CELSR1: variants seen among roughly 807,000 people sequenced by gnomAD.
The protein encoded by CELSR1 is adhesion G protein-coupled receptor C1.
Under a neutral mutation model 249.1 loss-of-function variants are expected in CELSR1, and 110 were observed. That is an observed-to-expected ratio of 0.44 (90% CI 0.38 to 0.52). CELSR1 has a LOEUF of 0.52. Among genes scored for constraint, CELSR1 ranks in the 20% least tolerant of loss-of-function variants. The pLI is 0.00. For missense variants in CELSR1, 4,109 were observed against 4,296.4 expected (o/e 0.96, Z 1.22); for synonymous variants, 2,113 against 1,900.0 (o/e 1.11, Z -2.92).
chr22:46,382,009 G>A lies in CELSR1; in HGVS notation c.6925C>T (p.Gln2309Ter). 1 of 1,560,458 alleles carries A rather than the reference G, an allele frequency of 6.4e-7. No homozygotes were observed. Among genetic ancestry groups the A allele is most frequent in the Non-Finnish European group, 8.7e-7 (1 of 1,154,240 alleles). The change falls in exon 21 of 35, where the codon CAG (glutamine) becomes TAG (stop). Residue 2309 changes from glutamine (Q) to a stop codon, truncating the protein, a stop_gained. Coordinates refer to ENST00000674500, the MANE Select transcript of CELSR1 (RefSeq NM_001378328.1). LOFTEE classifies it high-confidence loss of function. ...LRPAGRRTTP[Q>*]TTRPGPGTER... ...GTGCCAGGCCCCGGGCGCGTGGTCTGCGGGGTGGTCCTCCGGCCAGCCGGC... is the reference window on the plus strand; with the variant it reads ...GTGCCAGGCCCCGGGCGCGTGGTCTACGGGGTGGTCCTCCGGCCAGCCGGC...
chr22:46,371,568 G>A (rs1041814927), intron 25 of CELSR1, among the ~76,000 whole-genome samples: 6 of 150,832 alleles, frequency 4.0e-5, no homozygotes, highest in Non-Finnish European at 5.9e-5. Context: ...TCCACCCACT[G>A]CACCCACCCA....
Position 46,468,556 on chromosome 22 carries a change from C to G in CELSR1, c.3545-4211G>C, listed in dbSNP as rs1019054127. Reference sequence around the variant, plus strand: ...CTTACAGGAGGTCCCTAGAGGAGTTCGATTCATAGAGGCAGAAAGTAGAAT... The same window carrying G: ...CTTACAGGAGGTCCCTAGAGGAGTTGGATTCATAGAGGCAGAAAGTAGAAT... On this transcript the variant is annotated intron_variant, in intron 1 of 34. Transcript: ENST00000674500. The surrounding 1 kb of genome is among the most constrained non-coding windows in gnomAD (Gnocchi z 4.5). Among the ~76,000 whole-genome samples, 4 of 151,990 alleles carry G rather than the reference C, an allele frequency of 2.6e-5. No individual in the cohort carries two copies. Among genetic ancestry groups the G allele is most frequent in the African/African-American group, 9.7e-5 (4 of 41,368 alleles).
At position 46,460,178 on chromosome 22, in the gene CELSR1, A is replaced by AACACACAC. The variant is rs544352270; in HGVS notation, c.4183+3521_4183+3528dup. ...GTGACACAGTGAGACTCAGTCTCAA[A>AACACACAC]ACACACACACACACACACACACACA... On this transcript the variant is annotated intron_variant, in intron 2 of 34. Coordinates refer to ENST00000674500, the MANE Select transcript of CELSR1 (RefSeq NM_001378328.1). Among the ~76,000 whole-genome samples, 342 of 103,028 alleles carry AACACACAC rather than the reference A, an allele frequency of 3.3e-3. 1 individual carries two copies. Among genetic ancestry groups the AACACACAC allele is most frequent in the Non-Finnish European group, 2.7e-3 (132 of 48,840 alleles). The allele number at this position is 103,028 out of a possible 152,430, so 67.6% of individuals were successfully genotyped here. A position where few individuals can be genotyped will look rare whatever the true frequency, so the allele number is the denominator to read the frequency against.
At chr22:46,480,098 T>C (rs1183444487) in intron 1 of CELSR1, among the ~76,000 whole-genome samples, 1 of 152,216 alleles carries the variant, frequency 6.6e-6, no homozygotes, top group Admixed American at 6.5e-5. Flanking sequence ...TTCACTCCTA[T>C]ATACTAGTAT....
intron 3 of CELSR1, among the ~76,000 whole-genome samples, chr22:46,438,442 C>A (rs1026852808): frequency 6.6e-6 from 1 of 152,154 alleles, no homozygotes; most frequent in African/African-American, 2.4e-5. Flanking sequence ...AGTGTCACTG[C>A]CCTGGAAGCT....
In CELSR1 at chr22:46,534,487, T is replaced by C. The variant is rs1276413980; in HGVS notation, c.2684A>G (p.Asp895Gly). 2 of 1,613,060 alleles carry C rather than the reference T, an allele frequency of 1.2e-6. No individual in the cohort carries two copies. The highest frequency in any genetic ancestry group is 1.3e-5 in the African/African-American group (1 of 74,902). The change falls in exon 1 of 35, where the codon GAT becomes GGT. Residue 895 changes from aspartate to glycine, a missense_variant. By Grantham distance (94) the Asp-to-Gly change is moderately conservative. Coordinates refer to ENST00000674500, the MANE Select transcript of CELSR1 (RefSeq NM_001378328.1). This position sits in a 1 kb window ranked among gnomAD's most constrained non-coding sequence, Gnocchi z 9.7. ...CTCAAAGATGGAACCCTGGTAGAAA[T>C]CCCACAGGAACTGGGGTGCATTGTC... ...ANDNAPQFLW[D>G]FYQGSIFEDA...
chr22:46,439,257 G>C lies in CELSR1; in HGVS notation c.4338C>G (p.Ser1446Arg). The C allele has an allele frequency of 4.3e-6, 7 of 1,614,198 alleles. No homozygotes were observed. The highest frequency in any genetic ancestry group is 5.9e-6 in the Non-Finnish European group (7 of 1,180,028). The change falls in exon 3 of 35, where the codon AGC becomes AGG. Residue 1446 changes from serine to arginine, a missense_variant. Ser to Arg is a moderately radical substitution (Grantham distance 110, BLOSUM62 -1). Coordinates refer to ENST00000674500, the MANE Select transcript of CELSR1 (RefSeq NM_001378328.1). The stretch of plus-strand genomic sequence containing the variant: ...AGGTGACGAAGGACTGGGGCGGGAA[G>C]CTCCTGGTGGTCACCTCACAGTAGG... Reference protein sequence around the residue: ...ERPYCEVTTRSFPPQSFVTFR... With the variant: ...ERPYCEVTTRRFPPQSFVTFR...
At chr22:46,521,367 T>C (rs1309597011) in intron 1 of CELSR1, among the ~76,000 whole-genome samples, 2 of 152,122 alleles carry the variant, frequency 1.3e-5, no homozygotes, top group African/African-American at 4.8e-5. Flanking sequence ...TAGCTGGGCA[T>C]GGTGGCGGGC....
intron 1 of CELSR1, among the ~76,000 whole-genome samples, chr22:46,503,670 G>T (rs1458611884): frequency 2.6e-5 from 4 of 152,212 alleles, no homozygotes; most frequent in Admixed American, 2.0e-4. Flanking sequence ...GGGGCCCAAA[G>T]AAGTTAAGCA....
In CELSR1 at chr22:46,446,150, C is replaced by G. The variant is rs544222550; in HGVS notation, c.4184-6739G>C. Reference sequence around the variant, plus strand: ...CCCAGCCCCCTCCACACCATACTCACGAGCCTGTGCCGGCCCCACTGTCTC... The same window carrying G: ...CCCAGCCCCCTCCACACCATACTCAGGAGCCTGTGCCGGCCCCACTGTCTC... On this transcript the variant is annotated intron_variant, in intron 2 of 34. Transcript: ENST00000674500. The surrounding 1 kb of genome is among the most constrained non-coding windows in gnomAD (Gnocchi z 5.5). Among the ~76,000 whole-genome samples, 1 of 152,172 alleles carries G rather than the reference C, an allele frequency of 6.6e-6. No homozygotes were observed. The highest frequency in any genetic ancestry group is 2.4e-5 in the African/African-American group (1 of 41,434).
intron 1 of CELSR1, among the ~76,000 whole-genome samples, chr22:46,474,788 CT>C (rs55932520): frequency 1.8e-4 from 16 of 89,630 alleles, no homozygotes; most frequent in South Asian, 4.4e-4. Flanking sequence ...CTCTCTACTT[CT>C]TTTTTTTTTT....
chr22:46,365,095 C>G, intron 32 of CELSR1, 136 bp downstream of exon 32: 13 of 1,260,042 alleles, frequency 1.0e-5, no homozygotes, highest in Non-Finnish European at 1.3e-5. Flanking sequence ...AGAGTCCCCC[C>G]ACCCCAGGCT....
rs61737812 is a variant in CELSR1 at position 46,535,395 on chromosome 22, C to G, written c.1776G>C (p.Ala592=). 6.8e-6 allele frequency: 11 copies of G among 1,609,786 alleles called. No individual in the cohort carries two copies. The highest frequency in any genetic ancestry group is 9.3e-6 in the Non-Finnish European group (11 of 1,178,450). The change falls in exon 1 of 35, where the codon GCG becomes GCC. Residue 592 remains alanine (A), a synonymous_variant. Coordinates refer to ENST00000674500, the MANE Select transcript of CELSR1 (RefSeq NM_001378328.1). ...GCAGCCGGGCGTTCTCTCCAGAGTC[C>G]GCGTCCACCGCCTGAATGTGCACCA... ...YPVVHIQAVD[A]DSGENARLHY... is the part of the protein sequence containing the mutation.
chr22:46,394,408 C>T (rs1340908918), intron 13 of CELSR1, 146 bp from the exon 14 acceptor site: 2 of 903,946 alleles, frequency 2.2e-6, no homozygotes, highest in East Asian at 5.3e-5. Context: ...CGTTACATGG[C>T]CTCAGTCTCC....
rs1192521473 is a variant in CELSR1 at position 46,473,880 on chromosome 22, C to A, written c.3545-9535G>T. On this transcript the variant is annotated intron_variant, in intron 1 of 34. Coordinates refer to ENST00000674500, the MANE Select transcript of CELSR1 (RefSeq NM_001378328.1). The surrounding 1 kb of genome is among the most constrained non-coding windows in gnomAD (Gnocchi z 6.6). The stretch of plus-strand genomic sequence containing the variant: ...CAACAGGTGCGATGTGTTGATCCTG[C>A]TACCTGAGGGCGTGTGGCTTTTCTC... Among the ~76,000 whole-genome samples, 1 of 152,224 alleles carries A rather than the reference C, an allele frequency of 6.6e-6. No homozygotes were observed. Among genetic ancestry groups the A allele is most frequent in the East Asian group, 1.9e-4 (1 of 5,182 alleles).
chr22:46,453,034 C>T (rs943762340), intron 2 of CELSR1, among the ~76,000 whole-genome samples: 5 of 151,652 alleles, frequency 3.3e-5, no homozygotes, highest in South Asian at 2.1e-4. Context: ...TGCAGCCTGG[C>T]GCCCCACTGA....
In CELSR1 at chr22:46,428,637, G is replaced by A. The variant is rs1602122430; in HGVS notation, c.4611+4756C>T. On this transcript the variant is annotated intron_variant, in intron 5 of 34. Coordinates refer to ENST00000674500, the MANE Select transcript of CELSR1 (RefSeq NM_001378328.1). The surrounding 1 kb of genome is among the most constrained non-coding windows in gnomAD (Gnocchi z 5.7). ...GACCAGAGGTCAGGAATGCTGCCCAGAACAGGCCTCACAATGAAGGGTCAT... is the reference window on the plus strand; with the variant it reads ...GACCAGAGGTCAGGAATGCTGCCCAAAACAGGCCTCACAATGAAGGGTCAT... Among the ~76,000 whole-genome samples the A allele has an allele frequency of 6.6e-6, 1 of 152,240 alleles. No homozygotes were observed. The highest frequency in any genetic ancestry group is 1.5e-5 in the Non-Finnish European group (1 of 68,044).
Position 46,433,549 on chromosome 22 carries a change from G to T in CELSR1, c.4523-68C>A. 1 of 1,212,362 alleles carries T rather than the reference G, an allele frequency of 8.2e-7. No homozygotes were observed. 75.1% of individuals were successfully genotyped at this position (1,212,362 alleles called of 1,614,324 possible). A position where few individuals can be genotyped will look rare whatever the true frequency, so the allele number is the denominator to read the frequency against. On this transcript the variant is annotated intron_variant, in intron 4 of 34. Transcript: ENST00000674500. The surrounding 1 kb of genome is among the most constrained non-coding windows in gnomAD (Gnocchi z 5.7). ...CGGGGCCTACTGGGGACCGAGGATT[G>T]CGCTGTGAGGCATCAGGGGGAGACA...
In CELSR1 at chr22:46,380,168, C is replaced by T. The variant is rs140135036; in HGVS notation, c.7256+620G>A. On this transcript the variant is annotated intron_variant, in intron 22 of 34. Transcript: ENST00000674500. This position sits in a 1 kb window ranked among gnomAD's most constrained non-coding sequence, Gnocchi z 5.1. ...AATCACTCATTTTGCATTTTTCTAA[C>T]GACGAAACGCCTTTCCCTCGCTTGC... 1.4e-4 allele frequency among the ~76,000 whole-genome samples: 21 copies of T among 152,310 alleles called. No homozygotes were observed. Among genetic ancestry groups the T allele is most frequent in the East Asian group, 1.9e-4 (1 of 5,180 alleles).
Sources: allele counts gnomAD v4.1 joint callset (sites outside exome capture counted in the v4.1 genomes callset), GRCh38; gene constraint gnomAD v4.1.1; non-coding constraint Gnocchi (gnomAD v3.1); transcripts MANE v1.5; gene names NCBI Gene and HGNC (gene_info 2026-07-23, HGNC 2026-07-21).